DIXDC1: variants seen among roughly 807,000 people sequenced by gnomAD.
The protein encoded by DIXDC1 is dixin.
DIXDC1 carries 64 observed loss-of-function variants against 103.1 expected under a neutral mutation model. The observed-to-expected ratio is 0.62, with a 90% CI of 0.51 to 0.76. The LOEUF is 0.76. DIXDC1 is among the 30% of genes least tolerant of loss of function. DIXDC1 has a pLI of 0.00. For missense variants in DIXDC1, 759 were observed against 834.2 expected, an observed-to-expected ratio of 0.91 and a Z score of 1.11; for synonymous variants, 266 against 298.5, an observed-to-expected ratio of 0.89 and a Z score of 1.12.
In DIXDC1 at chr11:111,946,787, T is replaced by C. The variant is rs150847546; in HGVS notation, c.60+9228T>C. Reference sequence around the variant, plus strand: ...GATTTTGGTGTTTTCCCAACCTTCTTGGTATGAAGGTAAACAGTTCTGTGA... The same window carrying C: ...GATTTTGGTGTTTTCCCAACCTTCTCGGTATGAAGGTAAACAGTTCTGTGA... On this transcript the variant is annotated intron_variant, in intron 1 of 19. Coordinates refer to ENST00000440460, the MANE Select transcript of DIXDC1 (RefSeq NM_001037954.4). The C allele has an allele frequency of 5.4e-3, 2,619 of 488,814 alleles. 20 individuals carry two copies. The highest frequency in any genetic ancestry group is 7.8e-3 in the Non-Finnish European group (1,890 of 243,316). 30.3% of individuals were successfully genotyped at this position (488,814 alleles called of 1,614,324 possible).
intron 2 of DIXDC1, among the ~76,000 whole-genome samples, chr11:111,930,091 G>A (rs1351840827): frequency 6.6e-6 from 1 of 151,854 alleles, no homozygotes; most frequent in African/African-American, 2.4e-5. Context: ...TGGACCTCGA[G>A]TCATCTTTTT....
rs142630189 is a variant in DIXDC1, at chr11:111,995,256, A to G, written c.1528-147A>G. ...TGTGTAAAGATGTGAGGCACTTGCT[A>G]TCCAAAATTAAGAATTAGTGGGCAA... On this transcript the variant is annotated intron_variant, in intron 15 of 19. Transcript: ENST00000440460. 9 of 1,329,886 alleles carry G rather than the reference A, an allele frequency of 6.8e-6. No individual in the cohort carries two copies. In the African/African-American group the frequency reaches 1.0e-4, roughly 15 times the overall value. The allele number at this position is 1,329,886 out of a possible 1,614,324, so 82.4% of individuals were successfully genotyped here. A position where few individuals can be genotyped will look rare whatever the true frequency, so the allele number is the denominator to read the frequency against.
intron 7 of DIXDC1, 127 bp downstream of exon 7, chr11:111,982,614 G>C (rs1454731243): frequency 9.9e-7 from 1 of 1,007,338 alleles, no homozygotes; most frequent in African/African-American, 1.6e-5. Context: ...TAGATATAGG[G>C]AATAGCACAG....
chr11:112,007,819 G>T (rs1861284618), intron 17 of DIXDC1, among the ~76,000 whole-genome samples: 1 of 152,170 alleles, frequency 6.6e-6, no homozygotes, highest in Non-Finnish European at 1.5e-5. Context: ...ACTAAACATG[G>T]AAAGGAACAA....
At chr11:111,983,169 T>G (rs1373382856) in intron 7 of DIXDC1, among the ~76,000 whole-genome samples, 1 of 152,204 alleles carries the variant, frequency 6.6e-6, no homozygotes, top group Non-Finnish European at 1.5e-5. Flanking sequence ...ACCCTGAAAT[T>G]GCCTAGGAAT....
At position 112,020,771 on chromosome 11, in the gene DIXDC1, G is replaced by A. The variant is rs931748288; in HGVS notation, c.*1735G>A. The A allele has an allele frequency of 9.8e-5, 15 of 152,296 alleles. No homozygotes were observed. In the East Asian group the frequency reaches 2.9e-3, roughly 29 times the overall value. 9.4% of individuals were successfully genotyped at this position (152,296 alleles called of 1,614,324 possible). A position where few individuals can be genotyped will look rare whatever the true frequency, so the allele number is the denominator to read the frequency against. ...TCTGGCAGAGAGAAGGAGCTCAAAA[G>A]ATACTTGATGTCTTTCATGTAAGTT... is the stretch of plus-strand genomic sequence containing the variant. On this transcript the variant is annotated 3_prime_UTR_variant, in exon 20 of 20. Transcript: ENST00000440460.
chr11:111,929,450 G>T (rs1965942760), intron 1 of DIXDC1, among the ~76,000 whole-genome samples: 1 of 151,854 alleles, frequency 6.6e-6, no homozygotes, highest in African/African-American at 2.4e-5. Context: ...GGGTGTGGTG[G>T]TGCACACCTG....
chr11:111,940,889 CAGG>C (rs1555168765), intron 1 of DIXDC1, among the ~76,000 whole-genome samples: 1 of 152,162 alleles, frequency 6.6e-6, no homozygotes, highest in Non-Finnish European at 1.5e-5. Context: ...GTCACTGTGC[CAGG>C]CTCTGGAAAT....
chr11:111,931,719 G>A (rs753262631), intron 2 of DIXDC1, among the ~76,000 whole-genome samples: 18 of 152,040 alleles, frequency 1.2e-4, no homozygotes, highest in Non-Finnish European at 2.2e-4. Context: ...AAATTACCTC[G>A]TACAACAATT....
chr11:111,939,062 C>A (rs1555168552), intron 1 of DIXDC1, among the ~76,000 whole-genome samples: 1 of 152,236 alleles, frequency 6.6e-6, no homozygotes, highest in Admixed American at 6.5e-5. Context: ...TCTTTAGCTG[C>A]GTAAGTCTGA....
intron 17 of DIXDC1, among the ~76,000 whole-genome samples, chr11:111,999,916 A>G (rs1035635400): frequency 6.6e-6 from 1 of 152,072 alleles, no homozygotes; most frequent in Non-Finnish European, 1.5e-5. Context: ...CAGGCGGATC[A>G]CCTGAGGTCA....
chr11:111,968,863 C>T (rs771273136), intron 3 of DIXDC1, among the ~76,000 whole-genome samples: 1 of 152,082 alleles, frequency 6.6e-6, no homozygotes, highest in African/African-American at 2.4e-5. Context: ...CAACCTTTGC[C>T]TCCCTGGTTC....
At chr11:111,990,774 T>G (rs1860684661) in intron 10 of DIXDC1, among the ~76,000 whole-genome samples, 2 of 152,190 alleles carry the variant, frequency 1.3e-5, no homozygotes, top group South Asian at 4.1e-4. Context: ...TGGTATGATC[T>G]CAGCTCACTG....
chr11:111,943,248 A>T (rs587764273), intron 1 of DIXDC1, among the ~76,000 whole-genome samples: 1 of 152,086 alleles, frequency 6.6e-6, no homozygotes, highest in South Asian at 2.1e-4. Context: ...GGCTCAAGCG[A>T]TTCTCCTGCC....
intron 2 of DIXDC1, among the ~76,000 whole-genome samples, chr11:111,965,213 G>T (rs1859689622): frequency 6.6e-6 from 1 of 152,082 alleles, no homozygotes; most frequent in East Asian, 1.9e-4. Flanking sequence ...GAACCCTGGG[G>T]TTGTTGACAG....
At position 111,942,013 on chromosome 11, in the gene DIXDC1, A is replaced by C. The variant is rs189321398; in HGVS notation, c.60+4454A>C. 6.0e-4 allele frequency among the ~76,000 whole-genome samples: 91 copies of C among 152,344 alleles called. No homozygotes were observed. In the East Asian group the frequency reaches 9.2e-3, roughly 15 times the overall value. Reference sequence around the variant, plus strand: ...CGGTGGCGTCAACACTGGGCCAATTAGAGGCTTCCAGACATTTTCACAATG... The same window carrying C: ...CGGTGGCGTCAACACTGGGCCAATTCGAGGCTTCCAGACATTTTCACAATG... On this transcript the variant is annotated intron_variant, in intron 1 of 19. Transcript: ENST00000440460.
upstream of DIXDC1, chr11:111,937,206 C>G (rs968147373): frequency 2.9e-5 from 32 of 1,101,606 alleles, no homozygotes; most frequent in Middle Eastern, 3.8e-4. Context: ...GCGGCTTTCC[C>G]GCAGGAAAGC....
chr11:111,988,880 T>G (rs782502735), intron 9 of DIXDC1, 125 bp from the exon 10 acceptor site: 2 of 746,154 alleles, frequency 2.7e-6, no homozygotes, highest in Non-Finnish European at 2.2e-6. Context: ...GTTTTCTGCC[T>G]TAGTAGAGGG....
chr11:111,929,391 T>C (rs981071920), intron 1 of DIXDC1, among the ~76,000 whole-genome samples: 2 of 152,156 alleles, frequency 1.3e-5, no homozygotes, highest in Admixed American at 6.5e-5. Flanking sequence ...TTCACTTTAT[T>C]AGTATTAATA....
Sources: gnomAD v4.1 joint callset for allele counts (sites outside exome capture counted in the v4.1 genomes callset) on GRCh38, gnomAD v4.1.1 for gene constraint, MANE v1.5 for transcripts, NCBI Gene and HGNC (gene_info 2026-07-23, HGNC 2026-07-21) for gene names.